Variants in CCDC171 observed in about 807,000 individuals in gnomAD.
CCDC171 encodes the protein coiled-coil domain containing 171, also known as coiled-coil domain-containing protein 171.
Under a neutral mutation model 168.2 loss-of-function variants are expected in CCDC171, and 177 were observed. The ratio of observed to expected loss-of-function variants is 1.05; its 90% CI spans 0.93 to 1.19. The LOEUF is 1.19. Ranked by LOEUF, CCDC171 falls within the 50% of genes most tolerant of loss-of-function variation. The pLI is 0.00. For missense variants in CCDC171, 1,991 were observed against 1,539.0 expected, an observed-to-expected ratio of 1.29 and a Z score of -4.91; for synonymous variants, 687 against 540.8, an observed-to-expected ratio of 1.27 and a Z score of -3.75.
chr9:16,005,997 C>A (rs1832683797), intron 3 of CCDC171, among the ~76,000 whole-genome samples: 2 of 151,878 alleles, frequency 1.3e-5, no homozygotes, highest in Non-Finnish European at 2.9e-5. Context: ...GTGGCTGGGA[C>A]TACAGGCATG....
At chr9:15,581,563 G>A (rs146564473) in intron 4 of CCDC171, among the ~76,000 whole-genome samples, 40 of 152,196 alleles carry the variant, frequency 2.6e-4, no homozygotes, top group African/African-American at 7.7e-4. Flanking sequence ...AAACAACATG[G>A]TACTGATACC....
chr9:16,100,306 A>G, the CCDC171 span, among the ~76,000 whole-genome samples: 9 of 152,210 alleles, frequency 5.9e-5, no homozygotes, highest in Non-Finnish European at 1.3e-4. Context: ...CTCCCCACTC[A>G]GATTGATTTC....
chr9:15,993,457 A>T (rs1272171648), intron 3 of CCDC171, among the ~76,000 whole-genome samples: 1 of 152,244 alleles, frequency 6.6e-6, no homozygotes, highest in Non-Finnish European at 1.5e-5. Flanking sequence ...GATGGGTTAA[A>T]GACTTAAATG....
At chr9:15,985,638 A>G (rs1404225444) in intron 3 of CCDC171, among the ~76,000 whole-genome samples, 1 of 152,216 alleles carries the variant, frequency 6.6e-6, no homozygotes, top group South Asian at 2.1e-4. Flanking sequence ...AACTTTTGGT[A>G]TACTAGAAAA....
At position 15,957,917 on chromosome 9, in the gene CCDC171, C is replaced by T. The variant is rs551979156; in HGVS notation, c.3754-13692C>T. On this transcript the variant is annotated intron_variant, in intron 25 of 25. Transcript: ENST00000380701. The stretch of plus-strand genomic sequence containing the variant: ...TAGCCACCAGAAGAATAAAGATTAG[C>T]ATAGAAAGGAACGGTAAGTTCCCTT... 3.2e-3 allele frequency among the ~76,000 whole-genome samples: 484 copies of T among 152,194 alleles called. 2 individuals are homozygous for T. Among genetic ancestry groups the T allele is most frequent in the Non-Finnish European group, 5.8e-3 (394 of 68,014 alleles).
intron 1 of CCDC171, among the ~76,000 whole-genome samples, chr9:15,554,875 C>T (rs942790848): frequency 6.6e-6 from 1 of 152,126 alleles, no homozygotes; most frequent in African/African-American, 2.4e-5. Context: ...TGCATAATCT[C>T]ATAGAGATGT....
intron 25 of CCDC171, among the ~76,000 whole-genome samples, chr9:15,960,639 A>G (rs1411381494): frequency 3.3e-5 from 5 of 152,188 alleles, no homozygotes; most frequent in Non-Finnish European, 7.3e-5. Context: ...AACATTCCTG[A>G]CTATCATGTA....
rs10962094 is a variant in CCDC171, at chr9:15,608,374, T to C, written c.675+14202T>C. ...AACATCACATCTTTTTATGTGGGTA[T>C]GTATTTAGTGCGTATAAAATATGTG... is the stretch of plus-strand genomic sequence containing the variant. On this transcript the variant is annotated intron_variant, in intron 6 of 25. Coordinates refer to ENST00000380701, the MANE Select transcript of CCDC171 (RefSeq NM_173550.4). 1.7e-3 allele frequency among the ~76,000 whole-genome samples: 265 copies of C among 152,356 alleles called. 8 individuals are homozygous for C. The East Asian group carries it at 0.046, about 26-fold the overall frequency.
chr9:15,931,921 CTT>C lies in CCDC171; in HGVS notation c.3753+11501_3753+11502del, dbSNP rs201244816. On this transcript the variant is annotated intron_variant, in intron 25 of 25. Coordinates refer to ENST00000380701, the MANE Select transcript of CCDC171 (RefSeq NM_173550.4). ...TGTGCTTAGCACCTTAGGTGTATGACTTTATTTCTGGGTTCTCTGTTCTGTTG... is the reference window on the plus strand; with the variant it reads ...TGTGCTTAGCACCTTAGGTGTATGACTATTTCTGGGTTCTCTGTTCTGTTG... Among the ~76,000 whole-genome samples the C allele has an allele frequency of 1.0e-3, 156 of 151,524 alleles. 1 individual carries two copies. The East Asian group carries it at 0.03, about 29-fold the overall frequency.
intron 23 of CCDC171, among the ~76,000 whole-genome samples, chr9:15,864,554 A>G (rs965425605): frequency 6.6e-6 from 1 of 152,014 alleles, no homozygotes. Context: ...GAGTGAGAAC[A>G]TGCGGTGTTT....
intron 3 of CCDC171, among the ~76,000 whole-genome samples, chr9:15,998,943 A>C (rs1435117212): frequency 6.6e-6 from 1 of 152,186 alleles, no homozygotes; most frequent in East Asian, 1.9e-4. Flanking sequence ...TACATGTGAA[A>C]AAGAGACAAC....
chr9:16,046,839 C>G (rs1486420108), intron 1 of CCDC171, among the ~76,000 whole-genome samples: 1 of 152,188 alleles, frequency 6.6e-6, no homozygotes, highest in Non-Finnish European at 1.5e-5. Context: ...ACAAATTACT[C>G]AGCCTTGGGT....
upstream of CCDC171, among the ~76,000 whole-genome samples, chr9:16,040,014 C>T (rs1395476273): frequency 1.3e-5 from 2 of 152,152 alleles, no homozygotes; most frequent in African/African-American, 4.8e-5. Flanking sequence ...GACACTGGAA[C>T]CTTTCAGAAT....
At chr9:15,773,459 AT>A (rs1180667527) in intron 18 of CCDC171, among the ~76,000 whole-genome samples, 2 of 152,210 alleles carry the variant, frequency 1.3e-5, no homozygotes, top group East Asian at 3.9e-4. Context: ...CTAGATGTAC[AT>A]TTTTCCCCCT....
intron 6 of CCDC171, among the ~76,000 whole-genome samples, chr9:15,603,107 G>A (rs2042981244): frequency 1.3e-5 from 2 of 151,916 alleles, no homozygotes; most frequent in South Asian, 2.1e-4. Context: ...TCAGCCTCCC[G>A]AGTGGCTGGG....
intron 18 of CCDC171, among the ~76,000 whole-genome samples, chr9:15,746,053 T>G (rs1271676959): frequency 6.6e-6 from 1 of 152,234 alleles, no homozygotes; most frequent in Non-Finnish European, 1.5e-5. Flanking sequence ...TTTTTACTTT[T>G]TCTAGTTTAT....
intron 16 of CCDC171, among the ~76,000 whole-genome samples, chr9:15,739,785 T>C (rs1447692898): frequency 6.6e-6 from 1 of 151,620 alleles, no homozygotes; most frequent in East Asian, 1.9e-4. Flanking sequence ...TCGCCCAAGC[T>C]GGAGTGCAGT....
At chr9:16,100,713 T>TG in the CCDC171 span, among the ~76,000 whole-genome samples, 8 of 152,170 alleles carry the variant, frequency 5.3e-5, no homozygotes, top group Admixed American at 5.2e-4. Context: ...TGGAAGCAGC[T>TG]GCGAGGAGAG....
intron 4 of CCDC171, among the ~76,000 whole-genome samples, chr9:15,586,999 G>A (rs1418041350): frequency 6.6e-6 from 1 of 152,022 alleles, no homozygotes; most frequent in South Asian, 2.1e-4. Context: ...TTTTTGTAGA[G>A]ACTAGGTCTT....
Sources: allele counts gnomAD v4.1 joint callset (sites outside exome capture counted in the v4.1 genomes callset), GRCh38; gene constraint gnomAD v4.1.1; transcripts MANE v1.5; gene names NCBI Gene and HGNC (gene_info 2026-07-23, HGNC 2026-07-21).